The following PALS2 variants were observed in gnomAD, a reference collection of about 807,000 sequenced individuals.
PALS2 encodes protein associated with LIN7 2, MAGUK p55 family member.
In PALS2, 27 loss-of-function variants were observed where a neutral mutation model predicts 61.6. That is an observed-to-expected ratio of 0.44 (90% CI 0.32 to 0.60). The LOEUF (loss-of-function observed/expected upper bound fraction) is 0.60. Ranked by LOEUF, PALS2 falls within the 20% of genes least tolerant of loss-of-function variation. The probability of loss-of-function intolerance (pLI) is 0.05; values close to 1 mark genes in which losing one functional copy is unlikely to be tolerated. For synonymous variants in PALS2, 236 were observed against 218.6 expected, an observed-to-expected ratio of 1.08 and a Z score of -0.70; for missense variants, 554 against 639.4, an observed-to-expected ratio of 0.87 and a Z score of 1.44.
At position 24,691,580 on chromosome 7, in the gene PALS2, T is replaced by A. The variant is rs1788480684; in HGVS notation, c.*3966T>A. ...TTCTTTGACATTCTGAAACTTTTTTTAGATTGTTTTAAAACGCTCTGGTTC... is the reference window on the plus strand; with the variant it reads ...TTCTTTGACATTCTGAAACTTTTTTAAGATTGTTTTAAAACGCTCTGGTTC... On this transcript the variant is annotated 3_prime_UTR_variant, in exon 12 of 12. Coordinates refer to ENST00000222644, the MANE Select transcript of PALS2 (RefSeq NM_001303037.2). 6.6e-6 allele frequency: 1 copy of A among 151,496 alleles called. No homozygotes were observed. The highest frequency in any genetic ancestry group is 1.5e-5 in the Non-Finnish European group (1 of 67,810). The allele number at this position is 151,496 out of a possible 1,614,324, so 9.4% of individuals were successfully genotyped here.
chr7:24,643,617 T>C (rs1785677748), intron 3 of PALS2, among the ~76,000 whole-genome samples: 1 of 152,146 alleles, frequency 6.6e-6, no homozygotes, highest in Non-Finnish European at 1.5e-5. Flanking sequence ...TTTGTACATA[T>C]AAGTGTCCAG....
chr7:24,677,636 G>T (rs1413816589), intron 9 of PALS2, among the ~76,000 whole-genome samples: 3 of 152,038 alleles, frequency 2.0e-5, no homozygotes, highest in East Asian at 1.9e-4. Context: ...TAATCATGTG[G>T]TTTTTGTCTT....
intron 2 of PALS2, 92 bp from the exon 3 acceptor site, chr7:24,641,624 A>G (rs1785556594): frequency 6.2e-6 from 7 of 1,126,676 alleles, no homozygotes; most frequent in Non-Finnish European, 8.6e-6. Context: ...TCCAAGTAAT[A>G]TATTTTAAAA....
intron 1 of PALS2, among the ~76,000 whole-genome samples, chr7:24,588,433 ACT>A (rs2128042444): frequency 6.6e-6 from 1 of 151,936 alleles, no homozygotes; most frequent in East Asian, 1.9e-4. Context: ...TTGAGGCATC[ACT>A]CTATTTTTAA....
chr7:24,603,296 G>T (rs1783782227), intron 1 of PALS2, among the ~76,000 whole-genome samples: 1 of 152,240 alleles, frequency 6.6e-6, no homozygotes, highest in African/African-American at 2.4e-5. Flanking sequence ...GGAGTGACTT[G>T]ATTCAGGCTA....
intron 5 of PALS2, among the ~76,000 whole-genome samples, chr7:24,659,795 C>T (rs1786620676): frequency 6.6e-6 from 1 of 152,188 alleles, no homozygotes; most frequent in Non-Finnish European, 1.5e-5. Flanking sequence ...AGAGAGGATG[C>T]AGGTAGCTTC....
chr7:24,629,217 C>T (rs1169354843), intron 2 of PALS2, among the ~76,000 whole-genome samples: 1 of 151,980 alleles, frequency 6.6e-6, no homozygotes, highest in African/African-American at 2.4e-5. Context: ...CTTTGACAAA[C>T]CAGACAAAAA....
At chr7:24,623,848 C>A in intron 2 of PALS2, 64 bp downstream of exon 2, 1 of 1,219,804 alleles carries the variant, frequency 8.2e-7, no homozygotes, top group South Asian at 1.5e-5. Context: ...GAGATATTTT[C>A]AGATATTACT....
chr7:24,590,679 A>T (rs2529035), intron 1 of PALS2, among the ~76,000 whole-genome samples: 23 of 152,208 alleles, frequency 1.5e-4, no homozygotes, highest in African/African-American at 5.3e-4. Context: ...TCATGTGGGA[A>T]GGTCTAAGTT....
At chr7:24,660,704 G>A (rs1786672820) in intron 5 of PALS2, among the ~76,000 whole-genome samples, 1 of 151,626 alleles carries the variant, frequency 6.6e-6, no homozygotes, top group Non-Finnish European at 1.5e-5. Context: ...CATTTTGGAT[G>A]TATCTGCATA....
chr7:24,599,798 C>T (rs1454165983), intron 1 of PALS2, among the ~76,000 whole-genome samples: 2 of 152,054 alleles, frequency 1.3e-5, no homozygotes, highest in East Asian at 1.9e-4. Flanking sequence ...AGCCACTGCA[C>T]CCAGCCCTAT....
intron 1 of PALS2, among the ~76,000 whole-genome samples, chr7:24,583,750 T>C (rs1363300770): frequency 6.6e-6 from 1 of 151,770 alleles, no homozygotes; most frequent in African/African-American, 2.4e-5. Context: ...CATGCTGGTG[T>C]GCTGCACCCA....
chr7:24,682,480 G>C (rs1416552103), intron 11 of PALS2, among the ~76,000 whole-genome samples: 1 of 152,134 alleles, frequency 6.6e-6, no homozygotes, highest in African/African-American at 2.4e-5. Flanking sequence ...CAAGAGTCCT[G>C]TAGGCTCCTT....
intron 11 of PALS2, among the ~76,000 whole-genome samples, chr7:24,682,674 G>A (rs1430795260): frequency 6.6e-6 from 1 of 152,174 alleles, no homozygotes; most frequent in Admixed American, 6.5e-5. Context: ...AGGTGGGAGA[G>A]TTAGTCTGGT....
rs766428400 is a variant in PALS2 at position 24,663,634 on chromosome 7, C to A, written c.696C>A (p.Asn232Lys). The A allele has an allele frequency of 5.0e-6, 8 of 1,594,372 alleles. No individual in the cohort carries two copies. The African/African-American group carries it at 5.4e-5, about 11-fold the overall frequency. ...TTGATTATAATCCATACAATGACAA[C>A]CTAATACCTTGCAAAGAAGCAGGAT... Reference protein sequence around the residue: ...CHFDYNPYNDNLIPCKEAGLK... With the variant: ...CHFDYNPYNDKLIPCKEAGLK... The change falls in exon 6 of 12, where the codon AAC (asparagine) becomes AAA (lysine). Residue 232 changes from asparagine (N) to lysine (K), a missense_variant. Physicochemically the swap from Asn to Lys is moderately conservative, Grantham distance 94 (BLOSUM62 0). Coordinates refer to ENST00000222644, the MANE Select transcript of PALS2 (RefSeq NM_001303037.2).
intron 10 of PALS2, 66 bp downstream of exon 10, chr7:24,679,399 C>T (rs1193013576): frequency 6.5e-6 from 10 of 1,541,332 alleles, no homozygotes; most frequent in Admixed American, 3.5e-5. Context: ...TCATGTGTGT[C>T]GGGGTTGTTG....
chr7:24,645,717 A>G (rs187140521), intron 3 of PALS2, among the ~76,000 whole-genome samples: 151 of 152,338 alleles, frequency 9.9e-4, no homozygotes, highest in African/African-American at 3.5e-3. Flanking sequence ...CAGTGTAGCC[A>G]TTTTAATAAT....
At chr7:24,664,977 A>T (rs1786940024) in intron 6 of PALS2, among the ~76,000 whole-genome samples, 1 of 152,080 alleles carries the variant, frequency 6.6e-6, no homozygotes, top group South Asian at 2.1e-4. Flanking sequence ...AGTTGTAAGG[A>T]TAGAAATACT....
At chr7:24,680,823 T>C (rs2128032962) in intron 11 of PALS2, among the ~76,000 whole-genome samples, 1 of 152,294 alleles carries the variant, frequency 6.6e-6, no homozygotes, top group African/African-American at 2.4e-5. Flanking sequence ...CTTGAACTCC[T>C]GACCTCAGGC....
Sources: gnomAD v4.1 joint callset for allele counts (sites outside exome capture counted in the v4.1 genomes callset) on GRCh38, gnomAD v4.1.1 for gene constraint, MANE v1.5 for transcripts, NCBI Gene and HGNC (gene_info 2026-07-23, HGNC 2026-07-21) for gene names.